LPP: variants seen among roughly 807,000 people sequenced by gnomAD.
LPP encodes lipoma-preferred partner.
A neutral mutation model predicts 60.4 loss-of-function variants in LPP; 38 were observed. The ratio of observed to expected loss-of-function variants is 0.63; its 90% CI spans 0.49 to 0.83. The LOEUF is 0.83. LPP is among the 40% of genes least tolerant of loss of function. The pLI is 0.00. For synonymous variants in LPP, 328 were observed against 290.8 expected (o/e 1.13, Z -1.30); for missense variants, 902 against 783.6 (o/e 1.15, Z -1.80).
chr3:188,707,036 A>G (rs1865617259), intron 7 of LPP, among the ~76,000 whole-genome samples: 1 of 152,172 alleles, frequency 6.6e-6, no homozygotes, highest in African/African-American at 2.4e-5. Context: ...AATCTAGTAT[A>G]TGGCCTTTAT....
intron 9 of LPP, among the ~76,000 whole-genome samples, chr3:188,781,726 A>G (rs1278271649): frequency 6.6e-6 from 1 of 151,558 alleles, no homozygotes; most frequent in Non-Finnish European, 1.5e-5. Flanking sequence ...TACTAAAAAA[A>G]AAAAAATACA....
At chr3:188,636,543 G>A (rs545175398) in intron 7 of LPP, among the ~76,000 whole-genome samples, 2 of 152,154 alleles carry the variant, frequency 1.3e-5, no homozygotes, top group African/African-American at 4.8e-5. Flanking sequence ...TCGAACTGGG[G>A]GGAGCCCACC....
At chr3:188,197,860 C>T (rs557291382) in intron 1 of LPP, among the ~76,000 whole-genome samples, 1 of 152,296 alleles carries the variant, frequency 6.6e-6, no homozygotes, top group East Asian at 1.9e-4. Context: ...TAGTTAAATA[C>T]ATTTTTCCAT....
chr3:188,779,304 C>T (rs1451154878), intron 9 of LPP, among the ~76,000 whole-genome samples: 4 of 152,070 alleles, frequency 2.6e-5, no homozygotes, highest in African/African-American at 7.2e-5. Context: ...AAAGTGGATG[C>T]TATGGACCAT....
chr3:188,230,210 C>T (rs771700656), intron 2 of LPP, among the ~76,000 whole-genome samples: 6 of 151,884 alleles, frequency 4.0e-5, no homozygotes, highest in African/African-American at 7.3e-5. Context: ...CTCAGCTGCC[C>T]GAGTAGCTGG....
intron 4 of LPP, among the ~76,000 whole-genome samples, chr3:188,474,806 T>A (rs1364531815): frequency 6.6e-6 from 1 of 152,350 alleles, no homozygotes; most frequent in Middle Eastern, 3.4e-3. Context: ...CACTAGCTGA[T>A]AGAAGACTGA....
At chr3:188,721,141 T>A (rs1339712691) in intron 8 of LPP, among the ~76,000 whole-genome samples, 2 of 152,182 alleles carry the variant, frequency 1.3e-5, no homozygotes, top group Non-Finnish European at 2.9e-5. Flanking sequence ...ATCAATTAAC[T>A]TTTTATCCGA....
At chr3:188,437,936 G>A (rs910682287) in intron 4 of LPP, among the ~76,000 whole-genome samples, 1 of 152,130 alleles carries the variant, frequency 6.6e-6, no homozygotes. Context: ...TAGCTTTGCC[G>A]AAGCACTTGG....
intron 6 of LPP, among the ~76,000 whole-genome samples, chr3:188,556,332 G>GT (rs553146171): frequency 5.7e-4 from 87 of 151,804 alleles, no homozygotes; most frequent in African/African-American, 1.9e-3. Context: ...GTGTGCTTCA[G>GT]TTTTTTTTGT....
chr3:188,375,326 C>T (rs1332648219), intron 3 of LPP, among the ~76,000 whole-genome samples: 3 of 152,164 alleles, frequency 2.0e-5, no homozygotes, highest in South Asian at 2.1e-4. Context: ...GGCTGTGAAT[C>T]CATCTGGTCC....
intron 6 of LPP, among the ~76,000 whole-genome samples, chr3:188,538,068 T>C (rs577712145): frequency 6.6e-6 from 1 of 152,316 alleles, no homozygotes; most frequent in South Asian, 2.1e-4. Context: ...CCCTACCTCA[T>C]AGTGTAAGAC....
intron 4 of LPP, among the ~76,000 whole-genome samples, chr3:188,443,010 C>T (rs1477024228): frequency 1.3e-5 from 2 of 152,144 alleles, no homozygotes; most frequent in Non-Finnish European, 2.9e-5. Flanking sequence ...TTCTGAGACA[C>T]ACAAATTTTT....
At chr3:188,863,129 T>C (rs1158070998) in intron 9 of LPP, among the ~76,000 whole-genome samples, 2 of 152,160 alleles carry the variant, frequency 1.3e-5, no homozygotes, top group South Asian at 4.1e-4. Flanking sequence ...TATCCAGTTG[T>C]TTTTGTATAT....
At chr3:188,391,717 A>C (rs1051894721) in intron 3 of LPP, among the ~76,000 whole-genome samples, 1 of 152,078 alleles carries the variant, frequency 6.6e-6, no homozygotes, top group Admixed American at 6.6e-5. Flanking sequence ...GATACATCAC[A>C]AAACTTGTGA....
At chr3:188,493,105 G>A (rs1462816845) in intron 5 of LPP, among the ~76,000 whole-genome samples, 1 of 151,988 alleles carries the variant, frequency 6.6e-6, no homozygotes, top group Non-Finnish European at 1.5e-5. Context: ...TTTATGGGAA[G>A]GCTACATGCT....
At chr3:188,557,358 C>T (rs1278786230) in intron 6 of LPP, among the ~76,000 whole-genome samples, 1 of 151,942 alleles carries the variant, frequency 6.6e-6, no homozygotes. Context: ...AATCAAGCAC[C>T]GGGCTAGGAG....
intron 4 of LPP, among the ~76,000 whole-genome samples, chr3:188,442,367 T>C (rs1794219120): frequency 6.6e-6 from 1 of 152,176 alleles, no homozygotes; most frequent in Admixed American, 6.5e-5. Flanking sequence ...AGTGAGAACA[T>C]GCGGTCAACA....
chr3:188,256,986 T>G (rs542783630), intron 2 of LPP, among the ~76,000 whole-genome samples: 1 of 152,232 alleles, frequency 6.6e-6, no homozygotes, highest in South Asian at 2.1e-4. Flanking sequence ...CTTGAGGAAG[T>G]TAGGGAGTGT....
At position 188,776,950 on chromosome 3, in the gene LPP, G is replaced by C. The variant is rs185033408; in HGVS notation, c.1410+16668G>C. On this transcript the variant is annotated intron_variant, in intron 9 of 11. Coordinates refer to ENST00000617246, the MANE Select transcript of LPP (RefSeq NM_001375462.1). ...ACATTCACATGGAAGAGAATGATTA[G>C]ACATTTCCAGGAGAGAATAACGACT... is the stretch of plus-strand genomic sequence containing the variant. Among the ~76,000 whole-genome samples, 596 of 152,208 alleles carry C rather than the reference G, an allele frequency of 3.9e-3. 3 individuals are homozygous for C. Among genetic ancestry groups the C allele is most frequent in the African/African-American group, 0.013 (560 of 41,530 alleles).
Sources: allele counts gnomAD v4.1 joint callset (sites outside exome capture counted in the v4.1 genomes callset), GRCh38; gene constraint gnomAD v4.1.1; transcripts MANE v1.5; gene names NCBI Gene and HGNC (gene_info 2026-07-23, HGNC 2026-07-21).